The following TNRC18 variants were observed in gnomAD, a reference collection of about 807,000 sequenced individuals.
The protein encoded by TNRC18 is trinucleotide repeat-containing gene 18 protein.
In TNRC18, 69 loss-of-function variants were observed where a neutral mutation model predicts 226.7. The observed-to-expected ratio is 0.30, with a 90% confidence interval of 0.25 to 0.37. The LOEUF is 0.37. TNRC18 is among the 10% of genes least tolerant of loss of function. The pLI is 1.00. For missense variants in TNRC18, 4,754 were observed against 4,256.6 expected (o/e 1.12, Z -3.25); for synonymous variants, 2,449 against 1,927.6 (o/e 1.27, Z -7.09).
intron 18 of TNRC18, among the ~76,000 whole-genome samples, chr7:5,338,330 A>G (rs956501205): frequency 4.6e-5 from 7 of 152,168 alleles, no homozygotes; most frequent in Non-Finnish European, 1.0e-4. Context: ...TGAAAGGCAA[A>G]GCACGAAAAA....
chr7:5,376,897 G>T lies in TNRC18; in HGVS notation c.2558C>A (p.Pro853His), dbSNP rs1478527609. The T allele has an allele frequency of 2.5e-6, 4 of 1,610,608 alleles. No individual in the cohort carries two copies. Among genetic ancestry groups the T allele is most frequent in the Non-Finnish European group, 3.4e-6 (4 of 1,178,492 alleles). The change falls in exon 8 of 30, where the codon CCC (proline) becomes CAC (histidine). Residue 853 changes from proline to histidine, a missense_variant. By Grantham distance (77) the Pro-to-His change is moderately conservative (BLOSUM62 -2). Coordinates refer to ENST00000430969, the MANE Select transcript of TNRC18 (RefSeq NM_001080495.3). Reference protein sequence around the residue: ...LPSAYQFVRDPQSGQLVVIPS... With the variant: ...LPSAYQFVRDHQSGQLVVIPS... ...AATGACCACCAGCTGGCCCGATTGG[G>T]GGTCCCTGACAAACTGGTAGGCTGA... is the stretch of plus-strand genomic sequence containing the variant.
intron 16 of TNRC18, among the ~76,000 whole-genome samples, chr7:5,353,453 G>A (rs183272924): frequency 1.4e-3 from 213 of 151,920 alleles, no homozygotes; most frequent in Non-Finnish European, 2.3e-3. Flanking sequence ...CAGCTACTCC[G>A]GAGGCTGAGG....
chr7:5,420,156 C>T, intron 2 of TNRC18: 1 of 336,380 alleles, frequency 3.0e-6, no homozygotes, highest in Non-Finnish European at 5.8e-6. Flanking sequence ...GGAGAGTCTC[C>T]CGCCCCGGCG....
At chr7:5,397,962 C>T (rs1466473052) in intron 2 of TNRC18, among the ~76,000 whole-genome samples, 1 of 152,112 alleles carries the variant, frequency 6.6e-6, no homozygotes, top group Non-Finnish European at 1.5e-5. Context: ...CCACCCAGGA[C>T]ATACTTCTAT....
intron 2 of TNRC18, among the ~76,000 whole-genome samples, chr7:5,403,163 CACTTTT>C (rs1390783965): frequency 1.6e-5 from 2 of 124,514 alleles, no homozygotes; most frequent in Non-Finnish European, 3.3e-5. Context: ...ATTTTATCTT[CACTTTT>C]TTTTTTTTTT....
intron 24 of TNRC18, among the ~76,000 whole-genome samples, chr7:5,317,931 G>T (rs1266102501): frequency 1.3e-5 from 2 of 151,948 alleles, no homozygotes; most frequent in Non-Finnish European, 2.9e-5. Context: ...GTGCAGCGGT[G>T]TGATCTCGGC....
At chr7:5,406,002 G>A (rs1781439372) in intron 2 of TNRC18, among the ~76,000 whole-genome samples, 1 of 152,204 alleles carries the variant, frequency 6.6e-6, no homozygotes, top group South Asian at 2.1e-4. Flanking sequence ...AACAGTCAAA[G>A]GGTAGAAAGA....
At chr7:5,349,820 G>A (rs1408485876) in intron 17 of TNRC18, among the ~76,000 whole-genome samples, 1 of 152,210 alleles carries the variant, frequency 6.6e-6, no homozygotes, top group Non-Finnish European at 1.5e-5. Context: ...ACGGAGTTTA[G>A]TACCAGGTCA....
chr7:5,355,347 G>C lies in TNRC18; in HGVS notation c.5194+1569C>G, dbSNP rs191297162. On this transcript the variant is annotated intron_variant, in intron 16 of 29. Transcript: ENST00000430969. ...GCTCCATTTCAAGAGCTCAATAGCA[G>C]CTAGGCAAGGCAGCTCACGCCTGTA... Among the ~76,000 whole-genome samples, 34 of 152,334 alleles carry C rather than the reference G, an allele frequency of 2.2e-4. No individual in the cohort carries two copies. The East Asian group carries it at 6.2e-3, about 28-fold the overall frequency.
At chr7:5,376,742 G>A (rs945954990) in intron 8 of TNRC18, 105 bp downstream of exon 8, 6 of 1,412,194 alleles carry the variant, frequency 4.2e-6, no homozygotes, top group Non-Finnish European at 5.8e-6. Flanking sequence ...CCCAGCCCCA[G>A]ATCTGCCGGC....
intron 17 of TNRC18, 127 bp from the exon 18 acceptor site, chr7:5,345,937 TG>T (rs1791143844): frequency 7.5e-7 from 1 of 1,339,316 alleles, no homozygotes; most frequent in Admixed American, 2.9e-5. Context: ...AGGGGGCCGC[TG>T]GGGGTGGATG....
chr7:5,374,801 A>AG (rs1165871591), intron 9 of TNRC18, among the ~76,000 whole-genome samples: 3 of 152,200 alleles, frequency 2.0e-5, no homozygotes, highest in African/African-American at 7.2e-5. Flanking sequence ...AGTCAGGACA[A>AG]GGGGGGCCAG....
chr7:5,314,980 C>A lies in TNRC18; in HGVS notation c.7027+4G>T. 1 of 1,605,274 alleles carries A rather than the reference C, an allele frequency of 6.2e-7. No homozygotes were observed. Among genetic ancestry groups the A allele is most frequent in the African/African-American group, 1.3e-5 (1 of 74,822 alleles). ...GCCCTGCCCTGGGGACCAGGCCAAC[C>A]TACCACCCTTGGCCTTGGCGCTGGG... On this transcript the variant is annotated splice_donor_region_variant and intron_variant, in intron 26 of 29. Transcript: ENST00000430969.
intron 2 of TNRC18, among the ~76,000 whole-genome samples, chr7:5,400,485 C>G (rs1781008632): frequency 6.6e-6 from 1 of 152,038 alleles, no homozygotes; most frequent in Admixed American, 6.6e-5. Flanking sequence ...TGTCGTGTCC[C>G]TATAGTCCCA....
intron 18 of TNRC18, 45 bp downstream of exon 18, chr7:5,345,517 G>GCGCCCCC: frequency 5.3e-6 from 2 of 377,744 alleles, no homozygotes; most frequent in Non-Finnish European, 9.7e-6. Flanking sequence ...AATGGCGTCC[G>GCGCCCCC]CCCCTCCCAC....
In TNRC18 at chr7:5,389,087, C is replaced by G; in HGVS notation, c.737G>C (p.Arg246Pro). ...RGVVDLTQEA[R>P]AEGRQDRGPP... ...CCCCCGGTCCTGGCGGCCCTCGGCG[C>G]GCGCCTCCTGGGTCAGGTCCACCAC... The change falls in exon 5 of 30, where the codon CGC becomes CCC. Residue 246 changes from arginine (R) to proline (P), a missense_variant. Arg to Pro is a moderately radical substitution (Grantham distance 103). Coordinates refer to ENST00000430969, the MANE Select transcript of TNRC18 (RefSeq NM_001080495.3). The G allele has an allele frequency of 7.7e-7, 1 of 1,290,610 alleles. No homozygotes were observed. Among genetic ancestry groups the G allele is most frequent in the Non-Finnish European group, 9.9e-7 (1 of 1,013,586 alleles). 79.9% of individuals were successfully genotyped at this position (1,290,610 alleles called of 1,614,324 possible). A position where few individuals can be genotyped will look rare whatever the true frequency, so the allele number is the denominator to read the frequency against.
chr7:5,380,440 T>C (rs1224229174), intron 5 of TNRC18, among the ~76,000 whole-genome samples: 2 of 152,176 alleles, frequency 1.3e-5, no homozygotes, highest in Non-Finnish European at 2.9e-5. Flanking sequence ...AGCATCTCCC[T>C]TTCCCTGCAG....
intron 2 of TNRC18, among the ~76,000 whole-genome samples, chr7:5,414,215 G>A (rs910316061): frequency 6.6e-6 from 1 of 151,816 alleles, no homozygotes; most frequent in South Asian, 2.1e-4. Flanking sequence ...CCAAAGTGCC[G>A]GGATTACAGG....
At chr7:5,409,040 G>A (rs1020536356) in intron 2 of TNRC18, among the ~76,000 whole-genome samples, 3 of 152,168 alleles carry the variant, frequency 2.0e-5, no homozygotes, top group African/African-American at 7.2e-5. Context: ...AGAAACCGCT[G>A]AATTCTTGCC....
Sources: allele counts gnomAD v4.1 joint callset (sites outside exome capture counted in the v4.1 genomes callset), GRCh38; gene constraint gnomAD v4.1.1; transcripts MANE v1.5; gene names NCBI Gene and HGNC (gene_info 2026-07-23, HGNC 2026-07-21).